Variants in EXTL2 observed in about 807,000 individuals in gnomAD.
The protein encoded by EXTL2 is exostosin-like 2.
Under a neutral mutation model 30.7 loss-of-function variants are expected in EXTL2, and 23 were observed. That is an observed-to-expected ratio of 0.75 (90% CI 0.54 to 1.06). The LOEUF is 1.06. Among genes scored for constraint, EXTL2 ranks in the 50% least tolerant of loss-of-function variants. The pLI, the probability that EXTL2 is intolerant of heterozygous loss-of-function variation, is 0.00. For missense variants in EXTL2, 352 were observed against 396.3 expected (o/e 0.89, Z 0.95); for synonymous variants, 123 against 133.8 (o/e 0.92, Z 0.56).
chr1:100,882,040 C>T (rs1175114327), intron 2 of EXTL2, among the ~76,000 whole-genome samples: 1 of 152,206 alleles, frequency 6.6e-6, no homozygotes, highest in African/African-American at 2.4e-5. Context: ...CTGCATGCTC[C>T]TTATGAGAAT....
chr1:100,886,018 GAT>G (rs1649937487), intron 2 of EXTL2: 1 of 152,204 alleles, frequency 6.6e-6, no homozygotes, highest in Non-Finnish European at 1.5e-5. Flanking sequence ...TAGTGTCAGA[GAT>G]TCATCTTGTG....
intron 1 of EXTL2, among the ~76,000 whole-genome samples, chr1:100,891,993 A>G (rs1310721483): frequency 6.6e-6 from 1 of 152,242 alleles, no homozygotes; most frequent in Non-Finnish European, 1.5e-5. Context: ...CTCAGTTATA[A>G]TTTTTGCAAA....
chr1:100,883,889 T>C (rs1649756344), intron 2 of EXTL2, among the ~76,000 whole-genome samples: 1 of 152,158 alleles, frequency 6.6e-6, no homozygotes, highest in Non-Finnish European at 1.5e-5. Flanking sequence ...AATAAGAAAG[T>C]AAATAATATA....
rs183581422 is a variant in EXTL2, at chr1:100,881,369, G to C, written c.6-3466C>G. 4.6e-5 allele frequency among the ~76,000 whole-genome samples: 7 copies of C among 152,300 alleles called. No homozygotes were observed. The East Asian group carries it at 1.4e-3, about 29-fold the overall frequency. ...TTCTTCTGTTCTTCTTTTAGAGAAAGAACCTATCATCTAATTTGCAGCTTT... is the reference window on the plus strand; with the variant it reads ...TTCTTCTGTTCTTCTTTTAGAGAAACAACCTATCATCTAATTTGCAGCTTT... On this transcript the variant is annotated intron_variant, in intron 2 of 4. Coordinates refer to ENST00000370114, the MANE Select transcript of EXTL2 (RefSeq NM_001033025.3).
At chr1:100,881,043 C>T in intron 2 of EXTL2, 1 of 984,254 alleles carries the variant, frequency 1.0e-6, no homozygotes, top group Non-Finnish European at 1.2e-6. Context: ...CCTAATCCCC[C>T]AATTTTACCT....
intron 1 of EXTL2, among the ~76,000 whole-genome samples, chr1:100,893,984 T>C (rs946337411): frequency 1.2e-4 from 18 of 152,204 alleles, no homozygotes; most frequent in African/African-American, 4.1e-4. Flanking sequence ...AGAGGTAATG[T>C]AGGTTTCTCC....
chr1:100,873,745 A>C lies in EXTL2; in HGVS notation c.*197T>G. On this transcript the variant is annotated 3_prime_UTR_variant, in exon 5 of 5. Transcript: ENST00000370114. The stretch of plus-strand genomic sequence containing the variant: ...CTGGATGAAAACTCTTCATAAGAAG[A>C]CCTAACTGGATAAGACCAACTTCTT... 1 of 513,034 alleles carries C rather than the reference A, an allele frequency of 1.9e-6. No homozygotes were observed. The highest frequency in any genetic ancestry group is 3.4e-6 in the Non-Finnish European group (1 of 295,582). 31.8% of individuals were successfully genotyped at this position (513,034 alleles called of 1,614,324 possible).
chr1:100,883,369 C>CA (rs1196079278), intron 2 of EXTL2, among the ~76,000 whole-genome samples: 1 of 152,118 alleles, frequency 6.6e-6, no homozygotes, highest in African/African-American at 2.4e-5. Context: ...CATTAGCAGC[C>CA]AATCCCTATT....
At chr1:100,878,432 A>G (rs1027087958) in intron 2 of EXTL2, 8 of 470,922 alleles carry the variant, frequency 1.7e-5, no homozygotes, top group African/African-American at 1.6e-4. Flanking sequence ...ACTTTGTGCC[A>G]CCACTGTTCC....
rs1422515045 is a variant in EXTL2 at position 100,873,761 on chromosome 1, C to T, written c.*181G>A. On this transcript the variant is annotated 3_prime_UTR_variant, in exon 5 of 5. Coordinates refer to ENST00000370114, the MANE Select transcript of EXTL2 (RefSeq NM_001033025.3). Reference sequence around the variant, plus strand: ...CATAAGAAGACCTAACTGGATAAGACCAACTTCTTGGCTTTCAAAAGTAAT... The same window carrying T: ...CATAAGAAGACCTAACTGGATAAGATCAACTTCTTGGCTTTCAAAAGTAAT... 4.1e-5 allele frequency: 24 copies of T among 587,264 alleles called. No individual in the cohort carries two copies. The Admixed American group carries it at 8.6e-4, about 21-fold the overall frequency. The allele number at this position is 587,264 out of a possible 1,614,324, so 36.4% of individuals were successfully genotyped here.
chr1:100,884,893 T>C (rs975823006), intron 2 of EXTL2, among the ~76,000 whole-genome samples: 2 of 152,204 alleles, frequency 1.3e-5, no homozygotes, highest in South Asian at 2.1e-4. Flanking sequence ...TCCAGAACAG[T>C]GTCTGGCCCA....
At chr1:100,891,099 T>A (rs1274230064) in intron 1 of EXTL2, among the ~76,000 whole-genome samples, 2 of 152,258 alleles carry the variant, frequency 1.3e-5, no homozygotes, top group African/African-American at 4.8e-5. Context: ...GTTAAGAATA[T>A]GTTTATGCAT....
chr1:100,874,235 G>A lies in EXTL2; in HGVS notation c.700C>T (p.His234Tyr). The A allele has an allele frequency of 6.2e-7, 1 of 1,612,764 alleles. No homozygotes were observed. The highest frequency in any genetic ancestry group is 8.5e-7 in the Non-Finnish European group (1 of 1,179,378). Residue 234 changes from histidine (H) to tyrosine (Y), a missense_variant, in exon 5 of 5, where the codon CAT becomes TAT. Physicochemically the swap from His to Tyr is moderately conservative, Grantham distance 83 (BLOSUM62 2). Coordinates refer to ENST00000370114, the MANE Select transcript of EXTL2 (RefSeq NM_001033025.3). ...TTTTGAGTATCATCTATCAAAGCAT[G>A]GACAGCTGCAGGTTGCCTCTGAAAT... ...ELFQRQPAAV[H>Y]ALIDDTQNCD...
rs995871317 is a variant in EXTL2 at position 100,877,417 on chromosome 1, T to G, written c.433+59A>C. The G allele has an allele frequency of 7.0e-7, 1 of 1,421,832 alleles. No homozygotes were observed. Among genetic ancestry groups the G allele is most frequent in the Admixed American group, 2.3e-5 (1 of 42,712 alleles). 88.1% of individuals were successfully genotyped at this position (1,421,832 alleles called of 1,614,324 possible). ...AAGCAGAAGGCCAGAAATTCACATG[T>G]CTGTCCCAGCTCTGGACAGCGGCAG... On this transcript the variant is annotated intron_variant, in intron 3 of 4. Coordinates refer to ENST00000370114, the MANE Select transcript of EXTL2 (RefSeq NM_001033025.3). This position sits in a 1 kb window ranked among gnomAD's most constrained non-coding sequence, Gnocchi z 4.1.
At position 100,887,475 on chromosome 1, in the gene EXTL2, T is replaced by C. The variant is rs564696489; in HGVS notation, c.5+1278A>G. Among the ~76,000 whole-genome samples, 6 of 152,326 alleles carry C rather than the reference T, an allele frequency of 3.9e-5. No individual in the cohort carries two copies. The South Asian group carries it at 1.2e-3, about 32-fold the overall frequency. ...ATTTCTGCCCTCACAGAGCTGAGCATTACTAATGAAAGTTGTCAGAGCTCT... is the reference window on the plus strand; with the variant it reads ...ATTTCTGCCCTCACAGAGCTGAGCACTACTAATGAAAGTTGTCAGAGCTCT... On this transcript the variant is annotated intron_variant, in intron 2 of 4. Transcript: ENST00000370114.
At chr1:100,886,263 G>C (rs1009327836) in intron 2 of EXTL2, among the ~76,000 whole-genome samples, 4 of 152,144 alleles carry the variant, frequency 2.6e-5, no homozygotes, top group African/African-American at 9.7e-5. Context: ...CTAAAATATT[G>C]AGAAGTAGCT....
At chr1:100,881,572 T>G (rs1402352247) in intron 2 of EXTL2, among the ~76,000 whole-genome samples, 1 of 152,224 alleles carries the variant, frequency 6.6e-6, no homozygotes, top group Non-Finnish European at 1.5e-5. Flanking sequence ...GCTGACACCC[T>G]GCCTCATTCC....
chr1:100,877,606 A>G lies in EXTL2; in HGVS notation c.303T>C (p.Asn101=), dbSNP rs560001116. 4 of 1,613,530 alleles carry G rather than the reference A, an allele frequency of 2.5e-6. No homozygotes were observed. Among genetic ancestry groups the G allele is most frequent in the Admixed American group, 1.7e-5 (1 of 59,928 alleles). The change falls in exon 3 of 5, where the codon AAT becomes AAC. Residue 101 remains asparagine (N), a synonymous_variant. Coordinates refer to ENST00000370114, the MANE Select transcript of EXTL2 (RefSeq NM_001033025.3). This position sits in a 1 kb window ranked among gnomAD's most constrained non-coding sequence, Gnocchi z 4.1. ...ATTCATCTGGTGCCTTCTCTCCAAT[A>G]TTGTTCCATACCACAATCACTTTGT... The part of the protein sequence containing the change: ...NLHKVIVVWN[N]IGEKAPDELW...
At position 100,888,791 on chromosome 1, in the gene EXTL2, A is replaced by T; in HGVS notation, c.-34T>A. Reference sequence around the variant, plus strand: ...AGTTTAATTTTTAAAAAATCTCCTTATAGCTTCAGTAATTGACAGAAGCAG... The same window carrying T: ...AGTTTAATTTTTAAAAAATCTCCTTTTAGCTTCAGTAATTGACAGAAGCAG... On this transcript the variant is annotated 5_prime_UTR_variant, in exon 2 of 5. Transcript: ENST00000370114. 6.5e-7 allele frequency: 1 copy of T among 1,543,368 alleles called. No homozygotes were observed. Among genetic ancestry groups the T allele is most frequent in the South Asian group, 1.2e-5 (1 of 85,838 alleles).
Sources: gnomAD v4.1 joint callset for allele counts (sites outside exome capture counted in the v4.1 genomes callset) on GRCh38, gnomAD v4.1.1 for gene constraint, Gnocchi (gnomAD v3.1) non-coding constraint, MANE v1.5 for transcripts, NCBI Gene and HGNC (gene_info 2026-07-23, HGNC 2026-07-21) for gene names.